Variants in KIF26B observed in about 807,000 individuals in gnomAD.
KIF26B encodes the protein kinesin-like protein KIF26B.
A neutral mutation model predicts 151.2 loss-of-function variants in KIF26B; 63 were observed. The observed-to-expected ratio is 0.42, with a 90% confidence interval of 0.34 to 0.51. KIF26B has a LOEUF of 0.51. KIF26B is among the 20% of genes least tolerant of loss of function. KIF26B has a pLI of 0.07. For missense variants in KIF26B, 2,813 were observed against 2,913.6 expected (o/e 0.97, Z 0.79); for synonymous variants, 1,357 against 1,262.1 (o/e 1.08, Z -1.59).
At chr1:245,173,592 T>A (rs4658715) in intron 2 of KIF26B, among the ~76,000 whole-genome samples, 5,455 of 152,252 alleles carry the variant, frequency 0.036, 157 homozygotes, top group Middle Eastern at 0.075. Context: ...TGAGGTTAGA[T>A]GCCTGGAGAC....
chr1:245,308,296 C>T (rs1234347513), intron 2 of KIF26B, among the ~76,000 whole-genome samples: 3 of 152,146 alleles, frequency 2.0e-5, no homozygotes, highest in Non-Finnish European at 4.4e-5. Flanking sequence ...ACGCCTGGAA[C>T]ATTTTTTACA....
rs2042972648 is a variant in KIF26B, at chr1:245,563,151, A to T, written c.1350+22201A>T. Among the ~76,000 whole-genome samples, 1 of 152,202 alleles carries T rather than the reference A, an allele frequency of 6.6e-6. No homozygotes were observed. The highest frequency in any genetic ancestry group is 2.1e-4 in the South Asian group (1 of 4,826). On this transcript the variant is annotated intron_variant, in intron 5 of 14. Coordinates refer to ENST00000407071, the MANE Select transcript of KIF26B (RefSeq NM_018012.4). The surrounding 1 kb of genome is among the most constrained non-coding windows in gnomAD (Gnocchi z 4.6). ...TCTGAAATGAGTCTATTGAAGGTGG[A>T]AACCAGCACAATTCAAATGCTTTGC...
intron 2 of KIF26B, among the ~76,000 whole-genome samples, chr1:245,322,182 T>TG (rs1401104138): frequency 6.7e-6 from 1 of 149,792 alleles, no homozygotes; most frequent in Non-Finnish European, 1.5e-5. Context: ...TGAGAACACA[T>TG]GGACACAGGG....
Position 245,450,815 on chromosome 1 carries a change from ATATAG to A in KIF26B, c.1166+31074_1166+31078del, listed in dbSNP as rs1659372521. On this transcript the variant is annotated intron_variant, in intron 4 of 14. Transcript: ENST00000407071. The stretch of plus-strand genomic sequence containing the variant: ...TTTTTGAACAGTAAAAAATAAAGAG[ATATAG>A]TATGGAAAACAATGTGAAATGTGAA... Among the ~76,000 whole-genome samples, 4 of 152,204 alleles carry A rather than the reference ATATAG, an allele frequency of 2.6e-5. No individual in the cohort carries two copies. The South Asian group carries it at 8.3e-4, about 32-fold the overall frequency.
chr1:245,522,820 G>T (rs1316064139), intron 4 of KIF26B, among the ~76,000 whole-genome samples: 1 of 152,174 alleles, frequency 6.6e-6, no homozygotes, highest in Non-Finnish European at 1.5e-5. Flanking sequence ...GAGCTGACTT[G>T]TGATGTAGCA....
intron 12 of KIF26B, among the ~76,000 whole-genome samples, chr1:245,689,453 A>G (rs1348138636): frequency 6.6e-6 from 1 of 152,124 alleles, no homozygotes; most frequent in African/African-American, 2.4e-5. Context: ...CCCCAAACAT[A>G]TTTGTGGACA....
Position 245,271,410 on chromosome 1 carries a change from A to G in KIF26B, c.466-95424A>G, listed in dbSNP as rs141029192. Among the ~76,000 whole-genome samples, 656 of 152,292 alleles carry G rather than the reference A, an allele frequency of 4.3e-3. 3 individuals are homozygous for G. Among genetic ancestry groups the G allele is most frequent in the African/African-American group, 0.015 (634 of 41,578 alleles). ...TGTACATAGGATGTTGAATTTTCAT[A>G]TATGGACTTTATTATGTTGACTTTT... On this transcript the variant is annotated intron_variant, in intron 2 of 14. Transcript: ENST00000407071.
intron 10 of KIF26B, among the ~76,000 whole-genome samples, chr1:245,650,733 T>A (rs2044005814): frequency 6.6e-6 from 1 of 152,262 alleles, no homozygotes. Context: ...CTAAACACTC[T>A]GTTTCTAAAC....
chr1:245,293,106 T>TTG (rs1345200047), intron 2 of KIF26B, among the ~76,000 whole-genome samples: 2 of 152,112 alleles, frequency 1.3e-5, no homozygotes, highest in East Asian at 3.8e-4. Flanking sequence ...GACTCAAGTC[T>TTG]TGTGTGTGTG....
chr1:245,638,313 T>TA, intron 9 of KIF26B, among the ~76,000 whole-genome samples: 1 of 152,056 alleles, frequency 6.6e-6, no homozygotes, highest in East Asian at 1.9e-4. Flanking sequence ...ATGTTACACA[T>TA]TTTGCGTGTT....
At chr1:245,406,666 C>T (rs1022743522) in intron 3 of KIF26B, among the ~76,000 whole-genome samples, 2 of 152,166 alleles carry the variant, frequency 1.3e-5, no homozygotes, top group African/African-American at 4.8e-5. Flanking sequence ...TGTCTTTCCC[C>T]TTGGCAGCAT....
chr1:245,661,816 A>G (rs2044144417), intron 10 of KIF26B, among the ~76,000 whole-genome samples: 1 of 139,960 alleles, frequency 7.1e-6, no homozygotes, highest in Admixed American at 7.6e-5. Flanking sequence ...ATATACACCC[A>G]ATGATATATA....
At position 245,606,512 on chromosome 1, in the gene KIF26B, G is replaced by A. The variant is rs2043456181; in HGVS notation, c.1558-1139G>A. On this transcript the variant is annotated intron_variant, in intron 6 of 14. Coordinates refer to ENST00000407071, the MANE Select transcript of KIF26B (RefSeq NM_018012.4). This position sits in a 1 kb window ranked among gnomAD's most constrained non-coding sequence, Gnocchi z 4.6. The stretch of plus-strand genomic sequence containing the variant: ...ACAAGTCTCAGGTGCTAAACAAAGA[G>A]AAGGACATTTCCCAGATCTCCAAGT... Among the ~76,000 whole-genome samples the A allele has an allele frequency of 6.6e-6, 1 of 152,202 alleles. No individual in the cohort carries two copies. The highest frequency in any genetic ancestry group is 2.4e-5 in the African/African-American group (1 of 41,458).
rs1298146860 is a variant in KIF26B, at chr1:245,705,484, A to G, written c.*2878A>G. The G allele has an allele frequency of 6.6e-6, 1 of 152,178 alleles. No individual in the cohort carries two copies. The highest frequency in any genetic ancestry group is 1.9e-4 in the East Asian group (1 of 5,188). The allele number at this position is 152,178 out of a possible 1,614,324, so 9.4% of individuals were successfully genotyped here. On this transcript the variant is annotated 3_prime_UTR_variant, in exon 15 of 15. Coordinates refer to ENST00000407071, the MANE Select transcript of KIF26B (RefSeq NM_018012.4). ...AGGATGCCTTACCCAGTGGCCAGAC[A>G]TGATAGTTCCAGGTCTCCCCTTGGT...
At chr1:245,396,865 C>T (rs1044220953) in intron 3 of KIF26B, among the ~76,000 whole-genome samples, 1 of 152,114 alleles carries the variant, frequency 6.6e-6, no homozygotes, top group Admixed American at 6.5e-5. Context: ...CATGATGTTT[C>T]CCTATGCACC....
At chr1:245,640,143 C>CTCTCTCTCTCTCTCTATATA in intron 9 of KIF26B, among the ~76,000 whole-genome samples, 1 of 31,924 alleles carries the variant, frequency 3.1e-5, no homozygotes, top group African/African-American at 1.4e-4. Context: ...CTCTCTCTCT[C>CTCTCTCTCTCTCTCTATATA]TATATATATA....
intron 2 of KIF26B, chr1:245,353,603 G>GTAA (rs1254533943): frequency 6.6e-6 from 1 of 152,642 alleles, no homozygotes; most frequent in Non-Finnish European, 1.5e-5. Flanking sequence ...TCGTGGGTGT[G>GTAA]TAATAGTTGG....
chr1:245,364,409 C>CCT lies in KIF26B; in HGVS notation c.466-2412_466-2411dup, dbSNP rs1226912527. On this transcript the variant is annotated intron_variant, in intron 2 of 14. Transcript: ENST00000407071. The stretch of plus-strand genomic sequence containing the variant: ...GTGATGTGCAGACATGACTTCTCAC[C>CCT]CTCTCTCTCTCTCTTTTTTTTTTTT... 2.7e-3 allele frequency among the ~76,000 whole-genome samples: 402 copies of CCT among 146,418 alleles called. 7 individuals are homozygous for CCT. Among genetic ancestry groups the CCT allele is most frequent in the African/African-American group, 5.5e-3 (210 of 37,954 alleles).
chr1:245,189,902 CAA>C (rs935357474), intron 2 of KIF26B, among the ~76,000 whole-genome samples: 8 of 152,066 alleles, frequency 5.3e-5, no homozygotes, highest in African/African-American at 1.4e-4. Flanking sequence ...TGGTGGCAGA[CAA>C]GAGAGAAAGA....
Sources: gnomAD v4.1 joint callset for allele counts (sites outside exome capture counted in the v4.1 genomes callset) on GRCh38, gnomAD v4.1.1 for gene constraint, Gnocchi (gnomAD v3.1) non-coding constraint, MANE v1.5 for transcripts, NCBI Gene and HGNC (gene_info 2026-07-23, HGNC 2026-07-21) for gene names.